The following EEA1 variants were observed in gnomAD, a reference collection of about 807,000 sequenced individuals.
EEA1 encodes the protein early endosome antigen 1, also known as early endosome antigen 1, 162kD.
A neutral mutation model predicts 209.2 loss-of-function variants in EEA1; 111 were observed. That is an observed-to-expected ratio of 0.53 (90% confidence interval 0.45 to 0.62). EEA1 has a LOEUF of 0.62. Among genes scored for constraint, EEA1 ranks in the 20% least tolerant of loss-of-function variants. The pLI is 0.00. For missense variants in EEA1, 1,343 were observed against 1,530.8 expected (o/e 0.88, Z 2.05); for synonymous variants, 536 against 540.6 (o/e 0.99, Z 0.12).
intron 1 of EEA1, among the ~76,000 whole-genome samples, chr12:92,909,009 C>T (rs554660444): frequency 1.1e-4 from 16 of 152,204 alleles, no homozygotes; most frequent in East Asian, 5.8e-4. Flanking sequence ...GATGGGGTTT[C>T]GCCGTGTTAG....
intron 2 of EEA1, among the ~76,000 whole-genome samples, chr12:92,877,110 A>C (rs1409276642): frequency 6.6e-6 from 1 of 150,780 alleles, no homozygotes; most frequent in African/African-American, 2.4e-5. Context: ...TGTCCAGCTA[A>C]ATTTTTTTTC....
intron 17 of EEA1, 125 bp downstream of exon 17, chr12:92,811,154 A>G: frequency 1.6e-6 from 1 of 637,776 alleles, no homozygotes. Flanking sequence ...GCAATTTTTT[A>G]AAAATTTTAT....
intron 2 of EEA1, among the ~76,000 whole-genome samples, chr12:92,888,258 T>TA (rs1879494340): frequency 1.3e-5 from 2 of 152,156 alleles, no homozygotes; most frequent in Non-Finnish European, 2.9e-5. Context: ...GTCCTCATTT[T>TA]AAAAAAATCC....
chr12:92,809,181 GC>G, intron 17 of EEA1, 25 bp from the exon 18 acceptor site: 1 of 1,516,110 alleles, frequency 6.6e-7, no homozygotes, highest in Non-Finnish European at 8.8e-7. Flanking sequence ...TGATATGGCA[GC>G]CATTTTAATA....
At chr12:92,899,281 G>A (rs1340829719) in intron 1 of EEA1, among the ~76,000 whole-genome samples, 2 of 152,188 alleles carry the variant, frequency 1.3e-5, no homozygotes, top group Non-Finnish European at 2.9e-5. Context: ...GAATACATGA[G>A]TGAAATAAAC....
intron 10 of EEA1, among the ~76,000 whole-genome samples, chr12:92,837,333 G>T (rs1243160797): frequency 6.6e-6 from 1 of 152,138 alleles, no homozygotes; most frequent in Non-Finnish European, 1.5e-5. Context: ...TGAGATTTAA[G>T]AATGCCTGTG....
At chr12:92,855,156 G>A (rs867932466) in intron 5 of EEA1, among the ~76,000 whole-genome samples, 1 of 152,144 alleles carries the variant, frequency 6.6e-6, no homozygotes, top group Admixed American at 6.5e-5. Flanking sequence ...ACGGCCGGGC[G>A]CGGTGGCTCA....
chr12:92,831,561 TTG>T (rs904576393), intron 11 of EEA1, among the ~76,000 whole-genome samples: 5 of 146,660 alleles, frequency 3.4e-5, no homozygotes, highest in East Asian at 2.0e-4. Flanking sequence ...TCATGATATA[TTG>T]TGTGTATATA....
chr12:92,816,306 T>C lies in EEA1; in HGVS notation c.1823A>G (p.His608Arg). Residue 608 changes from histidine (H) to arginine (R), a missense_variant, in exon 15 of 29, where the codon CAT (histidine) becomes CGT (arginine). By Grantham distance (29) the His-to-Arg change is conservative. Coordinates refer to ENST00000322349, the MANE Select transcript of EEA1 (RefSeq NM_003566.4). ...LHDQVQEQKA[H>R]LRAAQDRVLS... Reference sequence around the variant, plus strand: ...GACACGGTCTTGTGCAGCTCTAAGATGTGCCTTCTGCTCTTGTACCTGGTC... The same window carrying C: ...GACACGGTCTTGTGCAGCTCTAAGACGTGCCTTCTGCTCTTGTACCTGGTC... The C allele has an allele frequency of 6.2e-7, 1 of 1,614,066 alleles. No homozygotes were observed. The highest frequency in any genetic ancestry group is 8.5e-7 in the Non-Finnish European group (1 of 1,179,910).
chr12:92,890,409 C>A (rs112878881), intron 2 of EEA1, among the ~76,000 whole-genome samples: 2,830 of 152,146 alleles, frequency 0.019, 97 homozygotes, highest in African/African-American at 0.063. Flanking sequence ...AAAATAAGAA[C>A]ATTTATCTAA....
intron 3 of EEA1, among the ~76,000 whole-genome samples, 183 bp downstream of exon 3, chr12:92,864,677 T>C (rs10859386): frequency 0.61 from 93,411 of 152,032 alleles, 29,503 homozygotes; most frequent in East Asian, 0.94. Flanking sequence ...CTGGCATAGA[T>C]AGTTACTGGT....
At chr12:92,915,270 T>G (rs1311252524) in intron 1 of EEA1, among the ~76,000 whole-genome samples, 1 of 152,054 alleles carries the variant, frequency 6.6e-6, no homozygotes, top group Non-Finnish European at 1.5e-5. Context: ...AGTTCAAGAC[T>G]AGCCTGGATA....
chr12:92,901,606 T>C (rs1880145871), intron 1 of EEA1, among the ~76,000 whole-genome samples: 1 of 151,904 alleles, frequency 6.6e-6, no homozygotes, highest in Non-Finnish European at 1.5e-5. Flanking sequence ...TCACTCTTGT[T>C]GCCCAAGCGG....
At chr12:92,876,830 CAAA>C (rs200862903) in intron 2 of EEA1, among the ~76,000 whole-genome samples, 4 of 108,308 alleles carry the variant, frequency 3.7e-5, no homozygotes, top group Non-Finnish European at 3.8e-5. Flanking sequence ...AGCTGATCAC[CAAA>C]AAAAAAAAAA....
At chr12:92,776,173 C>T (rs200513452) in intron 28 of EEA1, 40 bp from the exon 29 acceptor site, 261 of 1,568,408 alleles carry the variant, frequency 1.7e-4, no homozygotes, top group Non-Finnish European at 2.1e-4. Flanking sequence ...AGAATAAAAA[C>T]TATACCAAAA....
At chr12:92,800,789 G>T (rs1419236835) in intron 20 of EEA1, among the ~76,000 whole-genome samples, 1 of 152,164 alleles carries the variant, frequency 6.6e-6, no homozygotes, top group Non-Finnish European at 1.5e-5. Flanking sequence ...ATGGCGAAAT[G>T]GCATAGCTAA....
At chr12:92,863,256 T>C (rs1301988556) in intron 3 of EEA1, among the ~76,000 whole-genome samples, 2 of 152,182 alleles carry the variant, frequency 1.3e-5, no homozygotes, top group South Asian at 2.1e-4. Context: ...AAAGACAAAG[T>C]TTATCTTCAG....
intron 1 of EEA1, among the ~76,000 whole-genome samples, chr12:92,923,288 T>C (rs1025868656): frequency 2.6e-5 from 4 of 151,884 alleles, no homozygotes; most frequent in Non-Finnish European, 5.9e-5. Context: ...GCGGAGCTTG[T>C]AGTGAGCCGA....
chr12:92,923,329 C>T (rs1362208597), intron 1 of EEA1, among the ~76,000 whole-genome samples: 1 of 152,074 alleles, frequency 6.6e-6, no homozygotes, highest in Non-Finnish European at 1.5e-5. Context: ...GCCTGGGCGA[C>T]AGAGCGAGAC....
Sources: gnomAD v4.1 joint callset for allele counts (sites outside exome capture counted in the v4.1 genomes callset) on GRCh38, gnomAD v4.1.1 for gene constraint, MANE v1.5 for transcripts, NCBI Gene and HGNC (gene_info 2026-07-23, HGNC 2026-07-21) for gene names.